Variants in ROBO2 observed in about 807,000 individuals in gnomAD.
ROBO2 encodes the protein roundabout guidance receptor 2.
In ROBO2, 53 loss-of-function variants were observed where a neutral mutation model predicts 160.8. That is an observed-to-expected ratio of 0.33 (90% CI 0.26 to 0.41). ROBO2 has a LOEUF of 0.41. ROBO2 is among the 10% of genes least tolerant of loss of function. The pLI, the probability that ROBO2 is intolerant of heterozygous loss-of-function variation, is 1.00. For missense variants in ROBO2, 1,577 were observed against 1,722.4 expected, an observed-to-expected ratio of 0.92 and a Z score of 1.49; for synonymous variants, 664 against 611.7, an observed-to-expected ratio of 1.09 and a Z score of -1.26.
chr3:77,270,922 G>A (rs140068104), intron 2 of ROBO2, among the ~76,000 whole-genome samples: 36 of 147,402 alleles, frequency 2.4e-4, no homozygotes, highest in East Asian at 1.5e-3. Flanking sequence ...CAGCCTGGGC[G>A]ACAGAGCAAT....
At chr3:77,083,754 C>T (rs2068944268) in intron 1 of ROBO2, among the ~76,000 whole-genome samples, 1 of 151,866 alleles carries the variant, frequency 6.6e-6, no homozygotes, top group Non-Finnish European at 1.5e-5. Flanking sequence ...GCATTAGGGA[C>T]CTGGAGAAAG....
intron 2 of ROBO2, among the ~76,000 whole-genome samples, chr3:76,873,370 G>T (rs1426752810): frequency 6.6e-6 from 1 of 152,078 alleles, no homozygotes. Context: ...AGAACATCCA[G>T]CATTTGAGAA....
At chr3:76,873,504 A>T (rs1259736874) in intron 2 of ROBO2, among the ~76,000 whole-genome samples, 2 of 152,234 alleles carry the variant, frequency 1.3e-5, no homozygotes, top group African/African-American at 2.4e-5. Flanking sequence ...CACTTCTCAC[A>T]TACATTGATG....
chr3:76,554,298 AGG>A (rs1179837482), intron 2 of ROBO2, among the ~76,000 whole-genome samples: 1 of 152,172 alleles, frequency 6.6e-6, no homozygotes, highest in African/African-American at 2.4e-5. Context: ...AGCAAATGTC[AGG>A]GAGAACACTG....
intron 2 of ROBO2, among the ~76,000 whole-genome samples, chr3:76,554,450 T>C (rs570345963): frequency 4.6e-4 from 70 of 152,306 alleles, no homozygotes; most frequent in African/African-American, 1.6e-3. Flanking sequence ...GAAATAAAGA[T>C]AGAAACAAAA....
chr3:77,006,262 T>C (rs1450222428), intron 2 of ROBO2, among the ~76,000 whole-genome samples: 1 of 151,468 alleles, frequency 6.6e-6, no homozygotes, highest in Non-Finnish European at 1.5e-5. Flanking sequence ...TAGACACATA[T>C]AATGTATATA....
intron 2 of ROBO2, among the ~76,000 whole-genome samples, chr3:76,189,574 T>A (rs759922701): frequency 3.3e-5 from 5 of 152,098 alleles, no homozygotes; most frequent in Non-Finnish European, 5.9e-5. Flanking sequence ...CAGGGTAAAA[T>A]ATATATTTTA....
intron 2 of ROBO2, among the ~76,000 whole-genome samples, chr3:76,044,145 C>T (rs946453497): frequency 1.3e-5 from 2 of 152,018 alleles, no homozygotes; most frequent in African/African-American, 4.8e-5. Context: ...CCTCTGTAAC[C>T]TCTTTTCTGT....
chr3:77,642,557 T>C (rs1003157515), intron 24 of ROBO2, 114 bp from the exon 26 acceptor site: 15 of 354,160 alleles, frequency 4.2e-5, no homozygotes, highest in South Asian at 2.8e-4. Flanking sequence ...TTTCCCCAAA[T>C]TTTTTTTGTA....
In ROBO2 at chr3:76,018,982, C is replaced by T. The variant is rs149812051; in HGVS notation, c.109+81380C>T. On this transcript the variant is annotated intron_variant, in intron 2 of 26. Coordinates refer to the ROBO2 transcript ENST00000487694. ...TTGGCTAATATTTGCATTATGGTCTCCCCAAATGGTTAGGTTTTCTTTGAA... is the reference window on the plus strand; with the variant it reads ...TTGGCTAATATTTGCATTATGGTCTTCCCAAATGGTTAGGTTTTCTTTGAA... Among the ~76,000 whole-genome samples the T allele has an allele frequency of 2.0e-5, 3 of 151,458 alleles. No individual in the cohort carries two copies. In the East Asian group the frequency reaches 5.9e-4, roughly 30 times the overall value.
At chr3:76,625,348 T>C (rs933373423) in intron 2 of ROBO2, among the ~76,000 whole-genome samples, 3 of 152,144 alleles carry the variant, frequency 2.0e-5, no homozygotes, top group Non-Finnish European at 4.4e-5. Context: ...ACATGAAATG[T>C]ATTAAACAAC....
intron 2 of ROBO2, among the ~76,000 whole-genome samples, chr3:76,157,961 C>T (rs2072472419): frequency 6.6e-6 from 1 of 152,084 alleles, no homozygotes; most frequent in Admixed American, 6.6e-5. Context: ...ATTCTCTTTC[C>T]TCCAGATCAG....
intron 2 of ROBO2, among the ~76,000 whole-genome samples, chr3:76,904,689 G>A (rs893131645): frequency 1.3e-5 from 2 of 152,112 alleles, no homozygotes; most frequent in Non-Finnish European, 2.9e-5. Flanking sequence ...TTAATCTAAG[G>A]AGACATCTTA....
At chr3:75,931,059 TACAGTTTC>T (rs1229526474) in intron 1 of ROBO2, among the ~76,000 whole-genome samples, 2 of 152,234 alleles carry the variant, frequency 1.3e-5, no homozygotes, top group Non-Finnish European at 2.9e-5. Context: ...TGAAGACCTG[TACAGTTTC>T]ACATATCTTT....
At chr3:77,046,052 T>C (rs1056349966) in intron 1 of ROBO2, among the ~76,000 whole-genome samples, 2 of 152,220 alleles carry the variant, frequency 1.3e-5, no homozygotes, top group African/African-American at 4.8e-5. Context: ...ATTATAGATA[T>C]TGCTGCTTTG....
At chr3:76,065,728 T>A (rs2324468) in intron 2 of ROBO2, among the ~76,000 whole-genome samples, 58,301 of 125,962 alleles carry the variant, frequency 0.46, 12,038 homozygotes, top group South Asian at 0.6. Flanking sequence ...ATATGCATAT[T>A]TAAACTAAAT....
At chr3:77,356,504 G>T (rs2069150073) in intron 2 of ROBO2, among the ~76,000 whole-genome samples, 1 of 152,156 alleles carries the variant, frequency 6.6e-6, no homozygotes, top group Non-Finnish European at 1.5e-5. Context: ...TGGGTATGTA[G>T]ACGAAAAGAA....
intron 2 of ROBO2, among the ~76,000 whole-genome samples, chr3:76,370,394 GAAGA>G (rs945827403): frequency 6.6e-6 from 1 of 151,872 alleles, no homozygotes; most frequent in Non-Finnish European, 1.5e-5. Context: ...GCATTATCAA[GAAGA>G]AAGAATAAAT....
chr3:76,031,426 T>A (rs1372736338), intron 2 of ROBO2, among the ~76,000 whole-genome samples: 1 of 152,176 alleles, frequency 6.6e-6, no homozygotes, highest in Non-Finnish European at 1.5e-5. Context: ...AGAGAAGGCA[T>A]CCCTGTCTTG....
Sources: gnomAD v4.1 joint callset for allele counts (sites outside exome capture counted in the v4.1 genomes callset) on GRCh38, gnomAD v4.1.1 for gene constraint, MANE v1.5 for transcripts, NCBI Gene and HGNC (gene_info 2026-07-23, HGNC 2026-07-21) for gene names.